Variants in RAD51B observed in about 807,000 individuals in gnomAD.
RAD51B encodes the protein DNA repair protein RAD51 homolog 2.
A neutral mutation model predicts 42.2 loss-of-function variants in RAD51B; 38 were observed. The observed-to-expected ratio is 0.90, with a 90% CI of 0.70 to 1.18. The LOEUF (loss-of-function observed/expected upper bound fraction) is 1.18. Ranked by LOEUF, RAD51B falls within the 50% of genes most tolerant of loss-of-function variation. The pLI is 0.00. For missense variants in RAD51B, 373 were observed against 400.7 expected (o/e 0.93, Z 0.59); for synonymous variants, 154 against 145.2 (o/e 1.06, Z -0.43).
Position 67,887,058 on chromosome 14 carries a change from A to G in RAD51B, c.610A>G (p.Ile204Val). The change falls in exon 7 of 11, where the codon ATT (isoleucine) becomes GTT (valine). Residue 204 changes from isoleucine (I) to valine (V), a missense_variant. Ile to Val is a conservative substitution (Grantham distance 29). Transcript: ENST00000471583. ...GGAAGAAGAAATTATCTCAAAAGGA[A>G]TTAAACTTGTGATTCTTGACTCTGT... ...SLEEEIISKG[I>V]KLVILDSVAS... The G allele has an allele frequency of 2.6e-6, 4 of 1,556,426 alleles. No homozygotes were observed. Among genetic ancestry groups the G allele is most frequent in the Non-Finnish European group, 3.5e-6 (4 of 1,137,366 alleles).
At chr14:68,298,992 G>C (rs759559963) in intron 8 of RAD51B, among the ~76,000 whole-genome samples, 18 of 152,044 alleles carry the variant, frequency 1.2e-4, no homozygotes, top group Middle Eastern at 3.2e-3. Context: ...CTAGCCCAAG[G>C]AGGGTCCAGT....
chr14:68,224,237 C>T (rs893843776), intron 7 of RAD51B, among the ~76,000 whole-genome samples: 5 of 152,148 alleles, frequency 3.3e-5, no homozygotes, highest in African/African-American at 1.2e-4. Context: ...CCTGAGATTG[C>T]GCTAAAATTG....
chr14:68,356,455 A>T (rs2082904557), intron 8 of RAD51B, among the ~76,000 whole-genome samples: 1 of 143,466 alleles, frequency 7.0e-6, no homozygotes. Context: ...AAAAAAAAAA[A>T]GTTATGTTTA....
intron 9 of RAD51B, among the ~76,000 whole-genome samples, chr14:68,441,270 C>T (rs1566886276): frequency 6.6e-6 from 1 of 151,878 alleles, no homozygotes. Flanking sequence ...AGGCCAGGCA[C>T]GGTGGCTCAC....
chr14:67,913,673 A>G (rs914041679), intron 7 of RAD51B, among the ~76,000 whole-genome samples: 16 of 152,152 alleles, frequency 1.1e-4, no homozygotes, highest in African/African-American at 3.9e-4. Context: ...TTGTGGGTAC[A>G]TAGTAGGTAT....
intron 7 of RAD51B, among the ~76,000 whole-genome samples, chr14:67,964,567 C>CT: frequency 6.6e-6 from 1 of 152,286 alleles, no homozygotes; most frequent in East Asian, 1.9e-4. Context: ...ATGGTGCTTT[C>CT]TTTTTCTGTA....
rs980839605 is a variant in RAD51B, at chr14:67,913,644, A to AT, written c.756+26447dup. Among the ~76,000 whole-genome samples, 120 of 152,060 alleles carry AT rather than the reference A, an allele frequency of 7.9e-4. 1 individual carries two copies. Among genetic ancestry groups the AT allele is most frequent in the African/African-American group, 2.9e-3 (119 of 41,482 alleles). On this transcript the variant is annotated intron_variant, in intron 7 of 10. Coordinates refer to ENST00000471583, the MANE Select transcript of RAD51B (RefSeq NM_133510.4). The stretch of plus-strand genomic sequence containing the variant: ...TGAATCAGTTAAAATATTATTATTA[A>AT]TTTTTTTATTTTTAATTTTTGTGGG...
intron 7 of RAD51B, among the ~76,000 whole-genome samples, chr14:68,097,406 T>C (rs932360591): frequency 1.3e-5 from 2 of 152,314 alleles, no homozygotes; most frequent in African/African-American, 4.8e-5. Context: ...TGCTTGTTCT[T>C]CTGTCTGTTG....
At chr14:68,245,544 A>G (rs536952066) in intron 7 of RAD51B, among the ~76,000 whole-genome samples, 1 of 152,340 alleles carries the variant, frequency 6.6e-6, no homozygotes, top group Non-Finnish European at 1.5e-5. Context: ...TATGCAACAT[A>G]AGTTACCTTA....
intron 9 of RAD51B, among the ~76,000 whole-genome samples, chr14:68,460,862 C>T (rs1250364344): frequency 6.6e-6 from 1 of 152,122 alleles, no homozygotes; most frequent in Non-Finnish European, 1.5e-5. Flanking sequence ...TTCTGAGTCC[C>T]CTAACTCTGG....
At chr14:68,172,001 C>A (rs1220642595) in intron 7 of RAD51B, among the ~76,000 whole-genome samples, 2 of 152,188 alleles carry the variant, frequency 1.3e-5, no homozygotes, top group Admixed American at 1.3e-4. Flanking sequence ...GCCACCACAC[C>A]CAGCCATATT....
intron 8 of RAD51B, among the ~76,000 whole-genome samples, chr14:68,371,146 G>C (rs1023391811): frequency 3.3e-5 from 5 of 150,104 alleles, no homozygotes; most frequent in African/African-American, 1.2e-4. Flanking sequence ...TCCATTCCTA[G>C]AGTTATTTAG....
At chr14:68,421,849 T>G in intron 9 of RAD51B, 3 of 1,595,500 alleles carry the variant, frequency 1.9e-6, no homozygotes, top group Non-Finnish European at 2.6e-6. Context: ...GTCTTGGCAG[T>G]GCAGATGAAA....
intron 10 of RAD51B, among the ~76,000 whole-genome samples, chr14:68,604,050 A>T (rs1444904906): frequency 6.6e-6 from 1 of 152,232 alleles, no homozygotes; most frequent in Non-Finnish European, 1.5e-5. Context: ...GCCCGCCAGG[A>T]TTGCTGGCTG....
At chr14:68,445,169 A>C (rs895403457) in intron 9 of RAD51B, among the ~76,000 whole-genome samples, 2 of 152,170 alleles carry the variant, frequency 1.3e-5, no homozygotes, top group Admixed American at 6.5e-5. Context: ...CAGGCTGAAG[A>C]GTTAGCCCAC....
At chr14:68,178,082 A>G (rs926676978) in intron 7 of RAD51B, among the ~76,000 whole-genome samples, 24 of 151,962 alleles carry the variant, frequency 1.6e-4, no homozygotes, top group African/African-American at 5.8e-4. Flanking sequence ...TTCTTTTTTC[A>G]TATCCCTTTC....
chr14:68,490,977 A>G (rs974759921), intron 10 of RAD51B, among the ~76,000 whole-genome samples: 2 of 152,218 alleles, frequency 1.3e-5, no homozygotes, highest in African/African-American at 2.4e-5. Flanking sequence ...TGGTAGAAGC[A>G]AAACTAGCCT....
At chr14:68,173,090 G>A (rs1415756274) in intron 7 of RAD51B, among the ~76,000 whole-genome samples, 1 of 152,176 alleles carries the variant, frequency 6.6e-6, no homozygotes, top group African/African-American at 2.4e-5. Flanking sequence ...TTTTACAGGT[G>A]AAGAAGTAGA....
At chr14:68,421,554 G>C in intron 9 of RAD51B, 1 of 656,286 alleles carries the variant, frequency 1.5e-6, no homozygotes, top group Non-Finnish European at 2.7e-6. Flanking sequence ...AGGCATGGGA[G>C]GGAACAAGGA....
Sources: gnomAD v4.1 joint callset for allele counts (sites outside exome capture counted in the v4.1 genomes callset) on GRCh38, gnomAD v4.1.1 for gene constraint, MANE v1.5 for transcripts, NCBI Gene and HGNC (gene_info 2026-07-23, HGNC 2026-07-21) for gene names.